INTS2: variants seen among roughly 807,000 people sequenced by gnomAD.
INTS2 encodes integrator complex subunit 2, also known as KIAA1287.
INTS2 carries 57 observed loss-of-function variants against 139.6 expected under a neutral mutation model. The observed-to-expected ratio is 0.41, with a 90% CI of 0.33 to 0.51. The LOEUF (loss-of-function observed/expected upper bound fraction) is 0.51, where lower values mean the gene tolerates loss of function less well. INTS2 is among the 20% of genes least tolerant of loss of function. INTS2 has a pLI of 0.28. For missense variants in INTS2, 1,196 were observed against 1,436.7 expected (o/e 0.83, Z 2.71); for synonymous variants, 473 against 493.4 (o/e 0.96, Z 0.55).
Position 61,882,961 on chromosome 17 carries a change from G to A in INTS2, c.2090-1790C>T, listed in dbSNP as rs555391296. 7.2e-5 allele frequency among the ~76,000 whole-genome samples: 11 copies of A among 152,030 alleles called. No homozygotes were observed. The highest frequency in any genetic ancestry group is 1.3e-4 in the Admixed American group (2 of 15,266). ...TGCTTTATCCCAGTAGAAACAATAC[G>A]CAATTCCGTTCTCATAGAAACAGCT... is the stretch of plus-strand genomic sequence containing the variant. On this transcript the variant is annotated intron_variant, in intron 16 of 24. Transcript: ENST00000251334. This position sits in a 1 kb window ranked among gnomAD's most constrained non-coding sequence, Gnocchi z 4.7.
intron 11 of INTS2, among the ~76,000 whole-genome samples, chr17:61,896,105 C>T (rs1045583878): frequency 6.6e-6 from 1 of 151,204 alleles, no homozygotes; most frequent in African/African-American, 2.4e-5. Context: ...CCGGGCGTGG[C>T]GGTATGTGCC....
In INTS2 at chr17:61,873,104, C is replaced by T. The variant is rs575934037; in HGVS notation, c.2583-644G>A. 7.9e-5 allele frequency among the ~76,000 whole-genome samples: 12 copies of T among 152,172 alleles called. No individual in the cohort carries two copies. Among genetic ancestry groups the T allele is most frequent in the Non-Finnish European group, 1.8e-4 (12 of 68,044 alleles). On this transcript the variant is annotated intron_variant, in intron 19 of 24. Transcript: ENST00000251334. The surrounding 1 kb of genome is among the most constrained non-coding windows in gnomAD (Gnocchi z 4.0). Reference sequence around the variant, plus strand: ...CATTTTCCCATGTTCTAATGAAATACTCAGCATGGGGAAATGCACATAATC... The same window carrying T: ...CATTTTCCCATGTTCTAATGAAATATTCAGCATGGGGAAATGCACATAATC...
intron 2 of INTS2, 123 bp downstream of exon 2, chr17:61,926,229 C>T: frequency 1.4e-6 from 1 of 739,872 alleles, no homozygotes; most frequent in South Asian, 2.0e-5. Flanking sequence ...ACAGAAAAGA[C>T]CTAAGTAAAA....
chr17:61,922,725 G>C (rs906961263), intron 3 of INTS2, among the ~76,000 whole-genome samples: 6 of 151,916 alleles, frequency 3.9e-5, no homozygotes, highest in South Asian at 2.1e-4. Context: ...TTATTTATTA[G>C]AGTCACCAAG....
At position 61,904,558 on chromosome 17, in the gene INTS2, T is replaced by G. The variant is rs2079441355; in HGVS notation, c.1209A>C (p.Leu403Phe). ...LKPTEEEAEQ[L>F]LQLMTSRPPA... ...GAGGACGGCTCGTCATCAACTGCAG[T>G]AATTGCTCAGCTTCTTCTTCAGTTG... Residue 403 changes from leucine to phenylalanine, a missense_variant, in exon 9 of 25, where the codon TTA becomes TTC. Coordinates refer to ENST00000251334, the MANE Select transcript of INTS2 (RefSeq NM_001351695.2). 1.9e-6 allele frequency: 3 copies of G among 1,612,016 alleles called. No homozygotes were observed. Among genetic ancestry groups the G allele is most frequent in the African/African-American group, 2.7e-5 (2 of 74,988 alleles).
intron 4 of INTS2, among the ~76,000 whole-genome samples, chr17:61,921,043 C>T (rs1273300251): frequency 6.6e-6 from 1 of 152,170 alleles, no homozygotes; most frequent in African/African-American, 2.4e-5. Flanking sequence ...CCTCGGCCTC[C>T]CAAAGTGCTG....
rs190196916 is a variant in INTS2 at position 61,909,554 on chromosome 17, C to G, written c.955-1920G>C. ...ATAGGTAACTTCTCAACCCTCACCC[C>G]CTTCCCACCCTCCCAACATTTGGAG... On this transcript the variant is annotated intron_variant, in intron 7 of 24. Coordinates refer to ENST00000251334, the MANE Select transcript of INTS2 (RefSeq NM_001351695.2). The surrounding 1 kb of genome is among the most constrained non-coding windows in gnomAD (Gnocchi z 4.9). Among the ~76,000 whole-genome samples, 3 of 152,126 alleles carry G rather than the reference C, an allele frequency of 2.0e-5. No individual in the cohort carries two copies. The highest frequency in any genetic ancestry group is 2.9e-5 in the Non-Finnish European group (2 of 68,024).
rs1202313271 is a variant in INTS2 at position 61,870,442 on chromosome 17, A to G, written c.2779-454T>C. Among the ~76,000 whole-genome samples the G allele has an allele frequency of 6.6e-6, 1 of 151,936 alleles. No homozygotes were observed. Among genetic ancestry groups the G allele is most frequent in the Non-Finnish European group, 1.5e-5 (1 of 67,966 alleles). On this transcript the variant is annotated intron_variant, in intron 20 of 24. Coordinates refer to ENST00000251334, the MANE Select transcript of INTS2 (RefSeq NM_001351695.2). This position sits in a 1 kb window ranked among gnomAD's most constrained non-coding sequence, Gnocchi z 4.4. Reference sequence around the variant, plus strand: ...GCTATCCTGATTTCCCTTTTTTTCAACCTGTTTAAGGCTCTGGTTTCACAA... The same window carrying G: ...GCTATCCTGATTTCCCTTTTTTTCAGCCTGTTTAAGGCTCTGGTTTCACAA...
Position 61,869,341 on chromosome 17 carries a change from T to C in INTS2, c.3070A>G (p.Ile1024Val). ...TCTAGACAGATGTGCATAGATGGAA[T>C]ACCTGCGACCGTCAGAGGCAAAAGT... ...CELLPLTVAG[I>V]PSMHICLDFI... The change falls in exon 22 of 25, where the codon ATT (isoleucine) becomes GTT (valine). Residue 1024 changes from isoleucine to valine, a missense_variant. By Grantham distance (29) the Ile-to-Val change is conservative (BLOSUM62 3). Transcript: ENST00000251334. This position sits in a 1 kb window ranked among gnomAD's most constrained non-coding sequence, Gnocchi z 5.4. The C allele has an allele frequency of 6.2e-7, 1 of 1,607,724 alleles. No homozygotes were observed. Among genetic ancestry groups the C allele is most frequent in the Non-Finnish European group, 8.5e-7 (1 of 1,176,756 alleles).
intron 9 of INTS2, among the ~76,000 whole-genome samples, chr17:61,903,818 G>A (rs1270650339): frequency 6.6e-6 from 1 of 152,142 alleles, no homozygotes; most frequent in East Asian, 1.9e-4. Context: ...GGAAGGACAT[G>A]TATGGATGTG....
intron 16 of INTS2, among the ~76,000 whole-genome samples, chr17:61,884,465 C>T (rs1045604388): frequency 6.6e-6 from 1 of 152,098 alleles, no homozygotes; most frequent in African/African-American, 2.4e-5. Flanking sequence ...TGCACTCCAG[C>T]CTGGATGACA....
chr17:61,919,015 C>G (rs760882039), intron 5 of INTS2, among the ~76,000 whole-genome samples: 1 of 151,514 alleles, frequency 6.6e-6, no homozygotes, highest in Non-Finnish European at 1.5e-5. Context: ...ACCTCCACCT[C>G]CCAGGTTCAA....
chr17:61,891,598 G>C lies in INTS2; in HGVS notation c.1790C>G (p.Thr597Ser), dbSNP rs747346615. 2.5e-6 allele frequency: 4 copies of C among 1,613,512 alleles called. No homozygotes were observed. Among genetic ancestry groups the C allele is most frequent in the Non-Finnish European group, 3.4e-6 (4 of 1,179,506 alleles). The change falls in exon 14 of 25, where the codon ACT becomes AGT. Residue 597 changes from threonine (T) to serine (S), a missense_variant. Around this residue, in one of 3 missense-constraint regions of INTS2, gnomAD observed 1,129 missense variants for 1,341.9 expected, o/e 0.84. Coordinates refer to ENST00000251334, the MANE Select transcript of INTS2 (RefSeq NM_001351695.2). ...LIDVYINSIL[T>S]PASKSNPEAT... ...TTCTGGATTAGATTTCGACGCAGGAGTAAGTATAGAATTTATGTACACATC... is the reference window on the plus strand; with the variant it reads ...TTCTGGATTAGATTTCGACGCAGGACTAAGTATAGAATTTATGTACACATC...
chr17:61,889,090 A>G (rs567482420), intron 15 of INTS2, among the ~76,000 whole-genome samples: 4 of 145,622 alleles, frequency 2.7e-5, no homozygotes, highest in Admixed American at 2.1e-4. Context: ...AAACTCTTCT[A>G]CTTTTTTTTT....
At chr17:61,901,482 ACATT>A (rs1050078501) in intron 9 of INTS2, among the ~76,000 whole-genome samples, 1 of 151,280 alleles carries the variant, frequency 6.6e-6, no homozygotes, top group Non-Finnish European at 1.5e-5. Flanking sequence ...CAAAGAAGAA[ACATT>A]CAGAGAGCCA....
rs769097752 is a variant in INTS2, at chr17:61,911,679, G to A, written c.795C>T (p.His265=). Residue 265 remains histidine, a synonymous_variant, in exon 7 of 25, where the codon CAC becomes CAT. Coordinates refer to ENST00000251334, the MANE Select transcript of INTS2 (RefSeq NM_001351695.2). ...TCAAAGCCACACCAAGGCCTGGCAA[G>A]TGACATTCTTCCACCTAGCACAGAA... ...KVRGMVVEEC[H]LPGLGVALTL... The A allele has an allele frequency of 1.2e-6, 2 of 1,613,190 alleles. No homozygotes were observed. The highest frequency in any genetic ancestry group is 1.7e-6 in the Non-Finnish European group (2 of 1,179,512).
At position 61,875,163 on chromosome 17, in the gene INTS2, T is replaced by C. The variant is rs997444611; in HGVS notation, c.2457-125A>G. ...ATTAGAAAATACATATGAATGAACT[T>C]TGAAAAAATTTAAGCTACAGACATC... On this transcript the variant is annotated intron_variant, in intron 18 of 24. Coordinates refer to ENST00000251334, the MANE Select transcript of INTS2 (RefSeq NM_001351695.2). This position sits in a 1 kb window ranked among gnomAD's most constrained non-coding sequence, Gnocchi z 4.6. 4 of 625,036 alleles carry C rather than the reference T, an allele frequency of 6.4e-6. No individual in the cohort carries two copies. Among genetic ancestry groups the C allele is most frequent in the African/African-American group, 5.7e-5 (3 of 52,394 alleles). The allele number at this position is 625,036 out of a possible 1,614,324, so 38.7% of individuals were successfully genotyped here.
chr17:61,897,720 G>A lies in INTS2; in HGVS notation c.1327C>T (p.Leu443=). The part of the protein sequence containing the change: ...TLVSTPEQEQ[L]MVVWLSWMIK... The stretch of plus-strand genomic sequence containing the variant: ...ATCCAACTTAGCCACACCACCATCA[G>A]CTGCTCCTGTTCAGGTGTACTATAT... The change falls in exon 10 of 25, where the codon CTG becomes TTG. Residue 443 remains leucine (L), a synonymous_variant. Transcript: ENST00000251334. This position sits in a 1 kb window ranked among gnomAD's most constrained non-coding sequence, Gnocchi z 4.4. The A allele has an allele frequency of 6.2e-7, 1 of 1,607,318 alleles. No homozygotes were observed. Among genetic ancestry groups the A allele is most frequent in the Non-Finnish European group, 8.5e-7 (1 of 1,176,282 alleles).
chr17:61,867,251 A>T lies in INTS2; in HGVS notation c.*306T>A, dbSNP rs1216079800. ...AAAGGCATGGCAGTCTTCACTTCAA[A>T]AGCTAAATACAAGGCCAAATTCCCT... is the stretch of plus-strand genomic sequence containing the variant. On this transcript the variant is annotated 3_prime_UTR_variant, in exon 25 of 25. Coordinates refer to ENST00000251334, the MANE Select transcript of INTS2 (RefSeq NM_001351695.2). This position sits in a 1 kb window ranked among gnomAD's most constrained non-coding sequence, Gnocchi z 5.6. The T allele has an allele frequency of 5.7e-6, 1 of 176,760 alleles. No individual in the cohort carries two copies. Among genetic ancestry groups the T allele is most frequent in the East Asian group, 1.5e-4 (1 of 6,724 alleles). 10.9% of individuals were successfully genotyped at this position (176,760 alleles called of 1,614,324 possible).
Sources: allele counts gnomAD v4.1 joint callset (sites outside exome capture counted in the v4.1 genomes callset), GRCh38; gene constraint gnomAD v4.1.1; regional missense constraint gnomAD v4.1.1; non-coding constraint Gnocchi (gnomAD v3.1); transcripts MANE v1.5; gene names NCBI Gene and HGNC (gene_info 2026-07-23, HGNC 2026-07-21).